The following SPAG16 variants were observed in gnomAD, a reference collection of about 807,000 sequenced individuals.
SPAG16 encodes the protein sperm-associated antigen 16 protein.
Under a neutral mutation model 80.4 loss-of-function variants are expected in SPAG16, and 86 were observed. That is an observed-to-expected ratio of 1.07 (90% CI 0.90 to 1.28). The LOEUF (loss-of-function observed/expected upper bound fraction) is 1.28, where lower values mean the gene tolerates loss of function less well. Ranked by LOEUF, SPAG16 falls within the 50% of genes most tolerant of loss-of-function variation. The probability of loss-of-function intolerance (pLI) is 0.00; values close to 1 mark genes in which losing one functional copy is unlikely to be tolerated. For missense variants in SPAG16, 870 were observed against 765.3 expected (o/e 1.14, Z -1.61); for synonymous variants, 294 against 265.9 (o/e 1.11, Z -1.03).
chr2:213,997,303 T>C (rs1041278729), intron 12 of SPAG16, among the ~76,000 whole-genome samples: 2 of 152,206 alleles, frequency 1.3e-5, no homozygotes, highest in African/African-American at 2.4e-5. Context: ...TTACATACTG[T>C]TGGCCTTTAG....
intron 10 of SPAG16, among the ~76,000 whole-genome samples, chr2:213,649,414 A>C (rs1385644991): frequency 6.6e-6 from 1 of 152,282 alleles, no homozygotes; most frequent in Non-Finnish European, 1.5e-5. Flanking sequence ...CAATGTTTGC[A>C]GTAGTTATGA....
intron 12 of SPAG16, among the ~76,000 whole-genome samples, chr2:213,987,798 T>TTATAAAA (rs2046086649): frequency 6.8e-6 from 1 of 147,138 alleles, no homozygotes; most frequent in Non-Finnish European, 1.5e-5. Flanking sequence ...AACTATATAA[T>TTATAAAA]TATAAAATAT....
At chr2:213,993,439 T>C (rs1053635246) in intron 12 of SPAG16, among the ~76,000 whole-genome samples, 5 of 152,188 alleles carry the variant, frequency 3.3e-5, no homozygotes, top group African/African-American at 1.2e-4. Flanking sequence ...ATGGTTGTTC[T>C]TAACATATTC....
At chr2:214,074,827 A>C (rs2050987364) in intron 13 of SPAG16, among the ~76,000 whole-genome samples, 1 of 152,236 alleles carries the variant, frequency 6.6e-6, no homozygotes, top group African/African-American at 2.4e-5. Flanking sequence ...CTTTGAAAAC[A>C]CAATGAGATA....
chr2:213,660,803 T>C (rs1249573153), intron 10 of SPAG16, among the ~76,000 whole-genome samples: 4 of 152,236 alleles, frequency 2.6e-5, no homozygotes, highest in Admixed American at 6.5e-5. Context: ...ATGTTCCATA[T>C]GCTTCAAAAG....
intron 11 of SPAG16, among the ~76,000 whole-genome samples, chr2:213,925,087 A>T (rs2078406058): frequency 6.6e-6 from 1 of 152,062 alleles, no homozygotes; most frequent in Non-Finnish European, 1.5e-5. Context: ...TCAAGGTTTT[A>T]CTTCTCTTCT....
At chr2:213,794,810 C>T (rs993710115) in intron 10 of SPAG16, among the ~76,000 whole-genome samples, 1 of 152,094 alleles carries the variant, frequency 6.6e-6, no homozygotes, top group Non-Finnish European at 1.5e-5. Flanking sequence ...AGATAAACAT[C>T]TAAGATGGCA....
chr2:213,495,061 T>G (rs373945144), intron 10 of SPAG16, among the ~76,000 whole-genome samples: 4 of 152,348 alleles, frequency 2.6e-5, no homozygotes, highest in African/African-American at 4.8e-5. Context: ...TCATTCTACT[T>G]TATTTCATTC....
In SPAG16 at chr2:214,214,184, A is replaced by G. The variant is rs572865578; in HGVS notation, c.1720+64918A>G. Among the ~76,000 whole-genome samples, 17 of 100,722 alleles carry G rather than the reference A, an allele frequency of 1.7e-4. No homozygotes were observed. The East Asian group carries it at 6.5e-3, about 39-fold the overall frequency. The allele number at this position is 100,722 out of a possible 152,430, so 66.1% of individuals were successfully genotyped here. A position where few individuals can be genotyped will look rare whatever the true frequency, so the allele number is the denominator to read the frequency against. On this transcript the variant is annotated intron_variant, in intron 15 of 15. Transcript: ENST00000331683. Reference sequence around the variant, plus strand: ...AATATCCTTCCCAACCTTCCTTTTTACTTTTTTTTTTTTTGAGACAGAGTC... The same window carrying G: ...AATATCCTTCCCAACCTTCCTTTTTGCTTTTTTTTTTTTTGAGACAGAGTC...
chr2:213,601,148 G>T (rs986505836), intron 10 of SPAG16, among the ~76,000 whole-genome samples: 2 of 152,192 alleles, frequency 1.3e-5, no homozygotes, highest in African/African-American at 4.8e-5. Context: ...AAAAAAGTTT[G>T]TCCAGGTATG....
intron 10 of SPAG16, among the ~76,000 whole-genome samples, chr2:213,821,318 T>C (rs1391729942): frequency 6.6e-6 from 1 of 152,164 alleles, no homozygotes; most frequent in Non-Finnish European, 1.5e-5. Context: ...TTCTTTAACC[T>C]ATGTTATTTC....
At chr2:214,141,300 C>T (rs1470508382) in intron 14 of SPAG16, among the ~76,000 whole-genome samples, 1 of 151,982 alleles carries the variant, frequency 6.6e-6, no homozygotes, top group Non-Finnish European at 1.5e-5. Flanking sequence ...AACTCCGTCT[C>T]TACTAAAAAT....
Position 213,516,532 on chromosome 2 carries a change from T to G in SPAG16, c.1070+26442T>G, listed in dbSNP as rs1329823223. Among the ~76,000 whole-genome samples, 3 of 152,222 alleles carry G rather than the reference T, an allele frequency of 2.0e-5. No homozygotes were observed. In the East Asian group the frequency reaches 5.8e-4, roughly 29 times the overall value. On this transcript the variant is annotated intron_variant, in intron 10 of 15. Coordinates refer to ENST00000331683, the MANE Select transcript of SPAG16 (RefSeq NM_024532.5). ...GCGCTATATACCCCTAAGTCTTTTCTTATTTTTATTTTCTCCTTCATTCCA... is the reference window on the plus strand; with the variant it reads ...GCGCTATATACCCCTAAGTCTTTTCGTATTTTTATTTTCTCCTTCATTCCA...
chr2:213,834,811 A>G (rs1182738628), intron 10 of SPAG16, among the ~76,000 whole-genome samples: 1 of 152,110 alleles, frequency 6.6e-6, no homozygotes, highest in African/African-American at 2.4e-5. Context: ...AAAAATTGTT[A>G]TTTAAATAAC....
intron 10 of SPAG16, among the ~76,000 whole-genome samples, chr2:213,743,621 A>T (rs185940646): frequency 5.3e-5 from 8 of 152,310 alleles, no homozygotes; most frequent in Non-Finnish European, 4.4e-5. Context: ...GCTGTCAGTC[A>T]AACTGTCCCT....
intron 10 of SPAG16, among the ~76,000 whole-genome samples, chr2:213,676,654 T>C (rs1219206312): frequency 6.6e-6 from 1 of 152,148 alleles, no homozygotes; most frequent in Non-Finnish European, 1.5e-5. Context: ...GTGGTTTTTG[T>C]CTTTGATTCT....
At chr2:213,931,493 A>T (rs746815507) in intron 12 of SPAG16, among the ~76,000 whole-genome samples, 2 of 152,186 alleles carry the variant, frequency 1.3e-5, no homozygotes, top group Non-Finnish European at 2.9e-5. Context: ...GAATTTTAGC[A>T]CTAGTATTTA....
At chr2:213,689,472 C>T (rs1220913259) in intron 10 of SPAG16, among the ~76,000 whole-genome samples, 1 of 146,462 alleles carries the variant, frequency 6.8e-6, no homozygotes, top group Non-Finnish European at 1.5e-5. Context: ...CACTTAGAAG[C>T]AGTTTGATCC....
intron 15 of SPAG16, among the ~76,000 whole-genome samples, chr2:214,259,140 T>A (rs556715458): frequency 6.6e-6 from 1 of 151,950 alleles, no homozygotes; most frequent in African/African-American, 2.4e-5. Flanking sequence ...GTAGATACTT[T>A]TAATTTTGTT....
Sources: gnomAD v4.1 joint callset for allele counts (sites outside exome capture counted in the v4.1 genomes callset) on GRCh38, gnomAD v4.1.1 for gene constraint, MANE v1.5 for transcripts, NCBI Gene and HGNC (gene_info 2026-07-23, HGNC 2026-07-21) for gene names.